The following PTPRD variants were observed in gnomAD, a reference collection of about 807,000 sequenced individuals.
The protein encoded by PTPRD is protein tyrosine phosphatase receptor type D, also known as receptor-type tyrosine-protein phosphatase delta.
A neutral mutation model predicts 214.5 loss-of-function variants in PTPRD; 34 were observed. The observed-to-expected ratio is 0.16, with a 90% CI of 0.12 to 0.21. The LOEUF (loss-of-function observed/expected upper bound fraction) is 0.21, where lower values mean the gene tolerates loss of function less well. PTPRD is among the 10% of genes least tolerant of loss of function. The pLI, the probability that PTPRD is intolerant of heterozygous loss-of-function variation, is 1.00. For missense variants in PTPRD, 2,545 were observed against 2,398.7 expected, an observed-to-expected ratio of 1.06 and a Z score of -1.27; for synonymous variants, 1,128 against 845.7, an observed-to-expected ratio of 1.33 and a Z score of -5.79.
intron 8 of PTPRD, among the ~76,000 whole-genome samples, chr9:9,494,330 C>T (rs2096068241): frequency 1.3e-5 from 2 of 152,186 alleles, no homozygotes; most frequent in African/African-American, 4.8e-5. Flanking sequence ...AGAAGTTATA[C>T]TCTGGGTAAA....
intron 14 of PTPRD, among the ~76,000 whole-genome samples, chr9:8,614,295 C>T (rs533550981): frequency 1.3e-5 from 2 of 152,220 alleles, no homozygotes; most frequent in South Asian, 2.1e-4. Context: ...ATTTGAGTTG[C>T]CCAACACATG....
rs186205816 is a variant in PTPRD, at chr9:10,133,560, C to G, written c.-544-99770G>C. Among the ~76,000 whole-genome samples, 610 of 150,442 alleles carry G rather than the reference C, an allele frequency of 4.1e-3. 4 individuals carry two copies. Among genetic ancestry groups the G allele is most frequent in the African/African-American group, 0.014 (565 of 41,120 alleles). On this transcript the variant is annotated intron_variant, in intron 3 of 45. Coordinates refer to ENST00000381196, the MANE Select transcript of PTPRD (RefSeq NM_002839.4). ...TAAATAACTTAAAAGGTCTGTCTAC[C>G]AGAATGTAAACTAATATATAATGTA...
intron 43 of PTPRD, among the ~76,000 whole-genome samples, chr9:8,333,102 G>A (rs1843104252): frequency 1.3e-5 from 2 of 152,140 alleles, no homozygotes; most frequent in South Asian, 2.1e-4. Flanking sequence ...TGGGGATGGA[G>A]ATAAACAGGA....
chr9:8,674,535 T>C (rs2097361484), intron 12 of PTPRD, among the ~76,000 whole-genome samples: 1 of 151,706 alleles, frequency 6.6e-6, no homozygotes, highest in South Asian at 2.1e-4. Context: ...CTAAGGATTA[T>C]TTGATGGCTA....
At chr9:9,564,884 G>GGTTTTTTTTTTTTTT (rs2083968412) in intron 8 of PTPRD, among the ~76,000 whole-genome samples, 1 of 48,842 alleles carries the variant, frequency 2.0e-5, no homozygotes. Flanking sequence ...TGAATCTTCT[G>GGTTTTTTTTTTTTTT]TTTTTTTTTT....
chr9:8,932,485 C>G (rs1267784037), intron 11 of PTPRD, among the ~76,000 whole-genome samples: 12 of 152,178 alleles, frequency 7.9e-5, no homozygotes, highest in Non-Finnish European at 1.6e-4. Flanking sequence ...ACCCTTTCCC[C>G]CAGGTGCTCT....
intron 8 of PTPRD, among the ~76,000 whole-genome samples, chr9:9,505,207 C>T (rs539310186): frequency 6.2e-4 from 94 of 151,662 alleles, no homozygotes; most frequent in Non-Finnish European, 1.2e-3. Context: ...AGGACTTGGT[C>T]TACCACAATG....
intron 11 of PTPRD, among the ~76,000 whole-genome samples, chr9:8,746,852 C>G (rs1565752265): frequency 6.6e-6 from 1 of 152,030 alleles, no homozygotes; most frequent in Non-Finnish European, 1.5e-5. Flanking sequence ...CAAAATTTAT[C>G]TGTTGGATAT....
At chr9:8,593,228 C>T (rs1014101679) in intron 14 of PTPRD, among the ~76,000 whole-genome samples, 2 of 152,132 alleles carry the variant, frequency 1.3e-5, no homozygotes, top group African/African-American at 4.8e-5. Context: ...TTATCTTTAT[C>T]TTTGTGAGGT....
chr9:9,784,241 C>G (rs574168238), intron 5 of PTPRD, among the ~76,000 whole-genome samples: 2 of 152,086 alleles, frequency 1.3e-5, no homozygotes, highest in East Asian at 3.9e-4. Flanking sequence ...GCTAACATAT[C>G]TAAAAGATAT....
chr9:8,819,490 G>A (rs955698817), intron 11 of PTPRD, among the ~76,000 whole-genome samples: 22 of 152,000 alleles, frequency 1.4e-4, no homozygotes, highest in Middle Eastern at 3.2e-3. Context: ...GGCGAAACCC[G>A]TCTCTAATAA....
intron 7 of PTPRD, among the ~76,000 whole-genome samples, chr9:9,625,927 A>C (rs759631601): frequency 1.3e-5 from 2 of 152,182 alleles, no homozygotes; most frequent in Non-Finnish European, 2.9e-5. Flanking sequence ...AAAAGGCTAG[A>C]TGATAAATGT....
chr9:8,839,524 CA>C (rs1165171499), intron 11 of PTPRD, among the ~76,000 whole-genome samples: 17 of 152,078 alleles, frequency 1.1e-4, no homozygotes, highest in Non-Finnish European at 2.4e-4. Flanking sequence ...GAGGTTTCAT[CA>C]TGTTGGCCAG....
intron 2 of PTPRD, among the ~76,000 whole-genome samples, chr9:10,492,908 A>G (rs1162784728): frequency 6.6e-6 from 1 of 152,078 alleles, no homozygotes; most frequent in African/African-American, 2.4e-5. Context: ...GCAAGGTCTC[A>G]GGATACAAAA....
At chr9:10,458,761 A>G (rs1476945245) in intron 2 of PTPRD, among the ~76,000 whole-genome samples, 1 of 151,720 alleles carries the variant, frequency 6.6e-6, no homozygotes, top group Non-Finnish European at 1.5e-5. Context: ...TGTATTTGCA[A>G]ATGATACCCT....
chr9:10,208,242 C>T (rs549502148), intron 3 of PTPRD, among the ~76,000 whole-genome samples: 162 of 152,298 alleles, frequency 1.1e-3, no homozygotes, highest in Middle Eastern at 3.4e-3. Flanking sequence ...CGGCGGGGCG[C>T]GGTGGCTCAG....
At chr9:10,094,132 T>C (rs1329265065) in intron 3 of PTPRD, among the ~76,000 whole-genome samples, 5 of 151,464 alleles carry the variant, frequency 3.3e-5, no homozygotes, top group Non-Finnish European at 4.4e-5. Flanking sequence ...GTTTAAAGCT[T>C]CCAGAATTGT....
chr9:10,485,838 A>G (rs2099129026), intron 2 of PTPRD, among the ~76,000 whole-genome samples: 1 of 152,064 alleles, frequency 6.6e-6, no homozygotes, highest in African/African-American at 2.4e-5. Flanking sequence ...CCTGCATACA[A>G]TTGAAATAGA....
intron 3 of PTPRD, among the ~76,000 whole-genome samples, chr9:10,173,290 A>T (rs2099223170): frequency 1.3e-5 from 2 of 152,314 alleles, no homozygotes; most frequent in South Asian, 4.1e-4. Flanking sequence ...TTAGAAAACA[A>T]AATATTATAA....
Sources: gnomAD v4.1 joint callset for allele counts (sites outside exome capture counted in the v4.1 genomes callset) on GRCh38, gnomAD v4.1.1 for gene constraint, MANE v1.5 for transcripts, NCBI Gene and HGNC (gene_info 2026-07-23, HGNC 2026-07-21) for gene names.